Variants in CSAD observed in about 807,000 individuals in gnomAD.
CSAD encodes cysteine sulfinic acid decarboxylase, also known as P-selectin cytoplasmic tail-associated protein.
In CSAD, 47 loss-of-function variants were observed where a neutral mutation model predicts 61.5. The observed-to-expected ratio is 0.76, with a 90% CI of 0.60 to 0.97. The LOEUF (loss-of-function observed/expected upper bound fraction) is 0.97. CSAD is among the 50% of genes least tolerant of loss of function. The pLI is 0.00. For missense variants in CSAD, 611 were observed against 643.6 expected, an observed-to-expected ratio of 0.95 and a Z score of 0.55; for synonymous variants, 245 against 252.7, an observed-to-expected ratio of 0.97 and a Z score of 0.29.
intron 10 of CSAD, among the ~76,000 whole-genome samples, chr12:53,161,766 G>A (rs1475895873): frequency 6.6e-6 from 1 of 152,058 alleles, no homozygotes; most frequent in Non-Finnish European, 1.5e-5. Context: ...AGACCAGCCT[G>A]GGCAAAATAG....
In CSAD at chr12:53,172,450, G is replaced by GT; in HGVS notation, c.254-15dup. Reference sequence around the variant, plus strand: ...ACCGAGGGTGACCTGGAGAAGGAGAGTAAGCCAGGGAGCTCAGAGTAGAGC... The same window carrying GT: ...ACCGAGGGTGACCTGGAGAAGGAGAGTTAAGCCAGGGAGCTCAGAGTAGAGC... On this transcript the variant is annotated splice_polypyrimidine_tract_variant and intron_variant, in intron 5 of 16. Coordinates refer to ENST00000444623, the MANE Select transcript of CSAD (RefSeq NM_001244705.2). 1.2e-6 allele frequency: 2 copies of GT among 1,614,094 alleles called. No homozygotes were observed. Among genetic ancestry groups the GT allele is most frequent in the Non-Finnish European group, 8.5e-7 (1 of 1,179,970 alleles).
At chr12:53,181,307 C>T (rs1047894496), upstream of CSAD, 24 of 985,290 alleles carry the variant, frequency 2.4e-5, no homozygotes, top group Admixed American at 1.8e-4. Flanking sequence ...CAGCGATGGC[C>T]CTTGAGCTTT....
rs766437316 is a variant in CSAD at position 53,180,636 on chromosome 12, A to G, written c.-91+96T>C. ...GCTGCCCCCGCTAGTCTAGCTGCCG[A>G]GCCCGGAAGTGGATGCAGCCGCTCG... On this transcript the variant is annotated intron_variant, in intron 1 of 16. Transcript: ENST00000444623. 8.6e-6 allele frequency: 11 copies of G among 1,283,464 alleles called. No individual in the cohort carries two copies. The East Asian group carries it at 6.4e-4, about 75-fold the overall frequency. The allele number at this position is 1,283,464 out of a possible 1,614,324, so 79.5% of individuals were successfully genotyped here.
At chr12:53,164,789 A>G (rs923538729) in intron 10 of CSAD, 2 of 152,242 alleles carry the variant, frequency 1.3e-5, no homozygotes, top group Admixed American at 1.3e-4. Context: ...TGAAAATCAT[A>G]TATCTGATAA....
intron 8 of CSAD, chr12:53,170,847 AG>A (rs1353876624): frequency 5.2e-6 from 2 of 382,826 alleles, no homozygotes; most frequent in Non-Finnish European, 9.9e-6. Flanking sequence ...CAGCCTCCTA[AG>A]CAGCTGGGAC....
rs991327219 is a variant in CSAD at position 53,158,065 on chromosome 12, A to G, written c.*446T>C. The G allele has an allele frequency of 2.0e-5, 3 of 152,366 alleles. No homozygotes were observed. The highest frequency in any genetic ancestry group is 2.9e-5 in the Non-Finnish European group (2 of 68,172). The allele number at this position is 152,366 out of a possible 1,614,324, so 9.4% of individuals were successfully genotyped here. On this transcript the variant is annotated 3_prime_UTR_variant, in exon 17 of 17. Transcript: ENST00000444623. ...TATTTAAACACTCTCCTAAAATCAA[A>G]TATTTAGTTAGGAGAAAGTTAGTAG...
intron 10 of CSAD, among the ~76,000 whole-genome samples, chr12:53,169,384 C>T (rs1940285530): frequency 6.6e-6 from 1 of 150,660 alleles, no homozygotes; most frequent in Non-Finnish European, 1.5e-5. Flanking sequence ...GAGGCTAAGG[C>T]AGAGGAATCA....
At chr12:53,169,433 C>T (rs1237999572) in intron 10 of CSAD, among the ~76,000 whole-genome samples, 3 of 150,586 alleles carry the variant, frequency 2.0e-5, no homozygotes, top group Non-Finnish European at 4.4e-5. Context: ...GAGTCGAGAT[C>T]ACGCCATTGC....
rs1565670951 is a variant in CSAD, at chr12:53,172,396, AT to A, written c.293del (p.Asp98ValfsTer35). ...RFFNQLFSGL[D>X]PHALAGRIIT... is the part of the protein sequence containing the mutation. ...TAATGCGCCCGGCCAGAGCATGGGGATCCAACCCAGAGAAGAGCTGGTTGAA... is the reference window on the plus strand; with the variant it reads ...TAATGCGCCCGGCCAGAGCATGGGGACCAACCCAGAGAAGAGCTGGTTGAA... On this transcript the variant is annotated frameshift_variant, in exon 6 of 17. Coordinates refer to ENST00000444623, the MANE Select transcript of CSAD (RefSeq NM_001244705.2). LOFTEE classifies it high-confidence loss of function. The A allele has an allele frequency of 1.2e-6, 2 of 1,614,012 alleles. No individual in the cohort carries two copies. Among genetic ancestry groups the A allele is most frequent in the Admixed American group, 3.3e-5 (2 of 60,012 alleles).
chr12:53,158,721 G>C, intron 16 of CSAD, 37 bp from the exon 17 acceptor site: 6 of 1,598,994 alleles, frequency 3.8e-6, no homozygotes, highest in Non-Finnish European at 5.1e-6. Context: ...GCTGCAGCCT[G>C]GGTCGGCTGA....
chr12:53,180,261 A>C (rs2293431), intron 1 of CSAD: 52,998 of 985,304 alleles, frequency 0.054, 1,564 homozygotes, highest in East Asian at 0.16. Flanking sequence ...TTCGGAGAAG[A>C]ACCACCTCGG....
intron 15 of CSAD, 82 bp from the exon 16 acceptor site, chr12:53,159,794 G>T: frequency 6.6e-7 from 1 of 1,525,468 alleles, no homozygotes. Flanking sequence ...CCCTCTCCCT[G>T]CCCTTTTCCC....
chr12:53,170,085 A>C lies in CSAD; in HGVS notation c.689T>G (p.Met230Arg), dbSNP rs1184736964. Residue 230 changes from methionine to arginine, a missense_variant, in exon 10 of 17, where the codon ATG becomes AGG. By Grantham distance (91) the Met-to-Arg change is moderately conservative. Transcript: ENST00000444623. ...VPEDLERQIG[M>R]AEAEGAVPFL... ...TCACTGACTCACCTCAGCCTCGGCC[A>C]TACCAATCTGCCTCTCCAGATCCTC... is the stretch of plus-strand genomic sequence containing the variant. 3 of 1,614,124 alleles carry C rather than the reference A, an allele frequency of 1.9e-6. No homozygotes were observed. Among genetic ancestry groups the C allele is most frequent in the Non-Finnish European group, 2.5e-6 (3 of 1,180,000 alleles).
At chr12:53,167,223 G>C (rs1940042192) in intron 10 of CSAD, among the ~76,000 whole-genome samples, 1 of 152,172 alleles carries the variant, frequency 6.6e-6, no homozygotes, top group Non-Finnish European at 1.5e-5. Context: ...ACTACAGGTG[G>C]GGTGGAAACA....
At position 53,158,509 on chromosome 12, in the gene CSAD, G is replaced by A. The variant is rs141777518; in HGVS notation, c.*2C>T. 1.2e-5 allele frequency: 19 copies of A among 1,611,402 alleles called. No individual in the cohort carries two copies. The East Asian group carries it at 4.0e-4, about 34-fold the overall frequency. On this transcript the variant is annotated 3_prime_UTR_variant, in exon 17 of 17. Transcript: ENST00000444623. ...CAAGGCCGGCAGCAAGACAGAGAAG[G>A]CTCACAGGTCCTGGCCTAGCCGCTC...
intron 16 of CSAD, 55 bp downstream of exon 16, chr12:53,159,568 C>CGCATCAGTT: frequency 6.8e-7 from 1 of 1,465,548 alleles, no homozygotes; most frequent in South Asian, 1.2e-5. Flanking sequence ...GGGGCAGAAG[C>CGCATCAGTT]GCATCAGTTG....
chr12:53,169,147 T>C (rs530056965), intron 10 of CSAD, among the ~76,000 whole-genome samples: 1 of 151,538 alleles, frequency 6.6e-6, no homozygotes, highest in Admixed American at 6.6e-5. Flanking sequence ...GCCATTGCAC[T>C]CCGGCCTGGG....
intron 10 of CSAD, among the ~76,000 whole-genome samples, chr12:53,162,896 T>C (rs1939460618): frequency 6.6e-6 from 1 of 151,676 alleles, no homozygotes. Flanking sequence ...ACCCTGTCTC[T>C]ACTAAAAATA....
chr12:53,160,836 G>C lies in CSAD; in HGVS notation c.893C>G (p.Ser298Cys). 6.4e-7 allele frequency: 1 copy of C among 1,551,928 alleles called. No individual in the cohort carries two copies. Among genetic ancestry groups the C allele is most frequent in the South Asian group, 1.2e-5 (1 of 84,072 alleles). The stretch of plus-strand genomic sequence containing the variant: ...GAGCTTGTGGGGATTCCAGGCCACA[G>C]AGTCAGCCCTGGATGGGGTGGAGCA... ...HLLDGIQRAD[S>C]VAWNPHKLLA... The change falls in exon 13 of 17, where the codon TCT becomes TGT. Residue 298 changes from serine (S) to cysteine (C), a missense_variant. Physicochemically the swap from Ser to Cys is moderately radical, Grantham distance 112 (BLOSUM62 -1). Transcript: ENST00000444623.
Sources: gnomAD v4.1 joint callset for allele counts (sites outside exome capture counted in the v4.1 genomes callset) on GRCh38, gnomAD v4.1.1 for gene constraint, MANE v1.5 for transcripts, NCBI Gene and HGNC (gene_info 2026-07-23, HGNC 2026-07-21) for gene names.